TOM1L2: variants seen among roughly 807,000 people sequenced by gnomAD.
TOM1L2 encodes TOM1-like protein 2.
A neutral mutation model predicts 67.9 loss-of-function variants in TOM1L2; 31 were observed. The observed-to-expected ratio is 0.46, with a 90% CI of 0.34 to 0.62. TOM1L2 has a LOEUF of 0.62. Ranked by LOEUF, TOM1L2 falls within the 20% of genes least tolerant of loss-of-function variation. The pLI is 0.01. For synonymous variants in TOM1L2, 256 were observed against 254.0 expected (o/e 1.01, Z -0.07); for missense variants, 606 against 663.5 (o/e 0.91, Z 0.95).
At chr17:17,915,245 T>C (rs2039579921) in intron 1 of TOM1L2, among the ~76,000 whole-genome samples, 1 of 152,194 alleles carries the variant, frequency 6.6e-6, no homozygotes, top group South Asian at 2.1e-4. Context: ...CTCCAAGATA[T>C]TAACTTCAGA....
At chr17:17,861,740 T>C (rs1405041253) in intron 11 of TOM1L2, among the ~76,000 whole-genome samples, 189 bp from the exon 12 acceptor site, 1 of 152,174 alleles carries the variant, frequency 6.6e-6, no homozygotes, top group African/African-American at 2.4e-5. Context: ...CAGTGGATGC[T>C]AGGAGGCCTG....
intron 2 of TOM1L2, among the ~76,000 whole-genome samples, chr17:17,902,364 C>A (rs1420704130): frequency 6.6e-6 from 1 of 152,220 alleles, no homozygotes; most frequent in African/African-American, 2.4e-5. Flanking sequence ...TCTGCACCCA[C>A]CAGGACCACA....
intron 1 of TOM1L2, among the ~76,000 whole-genome samples, chr17:17,945,676 G>A (rs181936569): frequency 1.3e-5 from 2 of 151,898 alleles, no homozygotes; most frequent in Non-Finnish European, 2.9e-5. Flanking sequence ...AATATTTCAC[G>A]GAGACTTTCT....
chr17:17,903,164 C>G (rs907272756), intron 2 of TOM1L2, among the ~76,000 whole-genome samples: 1 of 152,164 alleles, frequency 6.6e-6, no homozygotes, highest in Non-Finnish European at 1.5e-5. Flanking sequence ...TATAGCTTCT[C>G]TCTCTCTCCC....
intron 1 of TOM1L2, among the ~76,000 whole-genome samples, chr17:17,920,221 T>C (rs1239741366): frequency 6.6e-6 from 1 of 152,166 alleles, no homozygotes; most frequent in Non-Finnish European, 1.5e-5. Flanking sequence ...CTCGTTCTTT[T>C]TTTTTTTAAT....
At chr17:17,869,075 G>A (rs2037007377) in intron 8 of TOM1L2, 1 of 508,818 alleles carries the variant, frequency 2.0e-6, no homozygotes, top group Admixed American at 3.5e-5. Context: ...GCGGGGCAGT[G>A]GGGAAAGGCA....
At chr17:17,947,481 A>G (rs894510191) in intron 1 of TOM1L2, among the ~76,000 whole-genome samples, 1 of 152,252 alleles carries the variant, frequency 6.6e-6, no homozygotes. Context: ...GCCCTAATCC[A>G]ATCATGCATG....
At chr17:17,883,506 G>C (rs974944487) in intron 5 of TOM1L2, among the ~76,000 whole-genome samples, 2 of 152,124 alleles carry the variant, frequency 1.3e-5, no homozygotes, top group East Asian at 1.9e-4. Context: ...AGGACGAGGC[G>C]GGTGGATCAC....
At chr17:17,879,791 C>T (rs748456867) in intron 6 of TOM1L2, 48 bp from the exon 7 acceptor site, 4 of 1,435,080 alleles carry the variant, frequency 2.8e-6, no homozygotes, top group South Asian at 2.3e-5. Context: ...GGTCAGTCAG[C>T]CTGCACTTGC....
intron 1 of TOM1L2, among the ~76,000 whole-genome samples, chr17:17,955,923 A>C (rs897027672): frequency 3.9e-5 from 6 of 152,058 alleles, no homozygotes; most frequent in African/African-American, 1.4e-4. Flanking sequence ...AGCGTGTCTG[A>C]AGTTGTTCGC....
rs139985939 is a variant in TOM1L2 at position 17,941,324 on chromosome 17, T to TC, written c.52+30937dup. Reference sequence around the variant, plus strand: ...AGTGCAGGAAGAGGACTGGTCGCAGTCCAAGGATGGCACTTGTGTCCTGGC... The same window carrying TC: ...AGTGCAGGAAGAGGACTGGTCGCAGTCCCAAGGATGGCACTTGTGTCCTGGC... On this transcript the variant is annotated intron_variant, in intron 1 of 14. Coordinates refer to ENST00000379504, the MANE Select transcript of TOM1L2 (RefSeq NM_001082968.2). Among the ~76,000 whole-genome samples the TC allele has an allele frequency of 7.4e-3, 1,130 of 152,262 alleles. 13 individuals are homozygous for TC. Among genetic ancestry groups the TC allele is most frequent in the African/African-American group, 0.026 (1,084 of 41,554 alleles).
Position 17,898,693 on chromosome 17 carries a change from A to G in TOM1L2, c.138-19T>C. On this transcript the variant is annotated intron_variant, in intron 2 of 14. Transcript: ENST00000379504. ...CTTTGGCCTGGAAAAAAGAACAGACATATAAAGATACTTACAATCCCACTT... is the reference window on the plus strand; with the variant it reads ...CTTTGGCCTGGAAAAAAGAACAGACGTATAAAGATACTTACAATCCCACTT... The G allele has an allele frequency of 2.5e-6, 4 of 1,613,982 alleles. No individual in the cohort carries two copies. The highest frequency in any genetic ancestry group is 3.4e-6 in the Non-Finnish European group (4 of 1,179,802).
intron 3 of TOM1L2, 85 bp downstream of exon 3, chr17:17,898,511 C>A: frequency 1.4e-6 from 2 of 1,398,348 alleles, no homozygotes; most frequent in South Asian, 2.3e-5. Flanking sequence ...GCTAAGTGGG[C>A]AGAGGGAAGG....
chr17:17,903,663 A>G (rs1026379570), intron 2 of TOM1L2, among the ~76,000 whole-genome samples: 2 of 151,748 alleles, frequency 1.3e-5, no homozygotes, highest in South Asian at 2.1e-4. Flanking sequence ...TCCTGTCCTC[A>G]TGGAGATCAC....
chr17:17,870,733 T>C (rs1006654380), intron 7 of TOM1L2, among the ~76,000 whole-genome samples: 2 of 152,230 alleles, frequency 1.3e-5, no homozygotes, highest in African/African-American at 4.8e-5. Context: ...CTACAGGGTC[T>C]TCCTTCCTAC....
chr17:17,855,716 C>T (rs1313498970), intron 12 of TOM1L2, among the ~76,000 whole-genome samples: 3 of 152,214 alleles, frequency 2.0e-5, no homozygotes, highest in Non-Finnish European at 4.4e-5. Flanking sequence ...AGGAAACCCA[C>T]CTGTCCAGTT....
chr17:17,901,396 G>A (rs1317655778), intron 2 of TOM1L2, among the ~76,000 whole-genome samples: 1 of 152,204 alleles, frequency 6.6e-6, no homozygotes, highest in Non-Finnish European at 1.5e-5. Flanking sequence ...CAGGGGAAAG[G>A]TCAGGCTCCT....
intron 1 of TOM1L2, among the ~76,000 whole-genome samples, chr17:17,947,279 C>T (rs2040992774): frequency 6.6e-6 from 1 of 152,148 alleles, no homozygotes; most frequent in Non-Finnish European, 1.5e-5. Flanking sequence ...CTGCCTCAGC[C>T]TCCCAAAGTG....
chr17:17,882,335 C>A (rs978062412), intron 6 of TOM1L2, among the ~76,000 whole-genome samples: 1 of 152,246 alleles, frequency 6.6e-6, no homozygotes, highest in Non-Finnish European at 1.5e-5. Flanking sequence ...CCAATCAAGC[C>A]ACCTGCTGCT....
Sources: gnomAD v4.1 joint callset for allele counts (sites outside exome capture counted in the v4.1 genomes callset) on GRCh38, gnomAD v4.1.1 for gene constraint, MANE v1.5 for transcripts, NCBI Gene and HGNC (gene_info 2026-07-23, HGNC 2026-07-21) for gene names.